SOX5: variants seen among roughly 807,000 people sequenced by gnomAD.
The protein encoded by SOX5 is transcription factor SOX-5.
In SOX5, 9 loss-of-function variants were observed where a neutral mutation model predicts 92.0. That is an observed-to-expected ratio of 0.10 (90% CI 0.06 to 0.17). The LOEUF (loss-of-function observed/expected upper bound fraction) is 0.17, where lower values mean the gene tolerates loss of function less well. Ranked by LOEUF, SOX5 falls within the 10% of genes least tolerant of loss-of-function variation. The probability of loss-of-function intolerance (pLI) is 1.00; values close to 1 mark genes in which losing one functional copy is unlikely to be tolerated. For synonymous variants in SOX5, 344 were observed against 336.3 expected (o/e 1.02, Z -0.25); for missense variants, 642 against 944.5 (o/e 0.68, Z 4.20).
At chr12:23,658,673 CT>C (rs2082631436) in intron 7 of SOX5, among the ~76,000 whole-genome samples, 1 of 152,092 alleles carries the variant, frequency 6.6e-6, no homozygotes, top group Non-Finnish European at 1.5e-5. Context: ...GGGTGGATCA[CT>C]TGAGGTAGGA....
chr12:24,281,492 T>C (rs1027629805), intron 2 of SOX5, among the ~76,000 whole-genome samples: 5 of 152,224 alleles, frequency 3.3e-5, no homozygotes, highest in Non-Finnish European at 7.3e-5. Flanking sequence ...TGGGCCGCCC[T>C]GCACTATTGA....
At chr12:23,935,864 T>C (rs1942433576) in intron 1 of SOX5, among the ~76,000 whole-genome samples, 1 of 151,064 alleles carries the variant, frequency 6.6e-6, no homozygotes, top group African/African-American at 2.4e-5. Context: ...GATTATAAAG[T>C]TATGGTAGCA....
intron 3 of SOX5, among the ~76,000 whole-genome samples, chr12:24,265,979 C>T (rs1442899051): frequency 6.6e-6 from 1 of 151,576 alleles, no homozygotes; most frequent in Non-Finnish European, 1.5e-5. Flanking sequence ...TGGCTCACTG[C>T]AGTCTTGATC....
chr12:23,641,514 T>G (rs2080055233), intron 7 of SOX5, among the ~76,000 whole-genome samples: 1 of 152,160 alleles, frequency 6.6e-6, no homozygotes, highest in Non-Finnish European at 1.5e-5. Context: ...AATAGATCCC[T>G]TCCCCCCGAC....
intron 9 of SOX5, among the ~76,000 whole-genome samples, chr12:23,580,352 C>T (rs1274817584): frequency 6.6e-6 from 1 of 151,942 alleles, no homozygotes; most frequent in Non-Finnish European, 1.5e-5. Context: ...TACACAATAA[C>T]CACATGAAAG....
At chr12:23,919,921 C>A (rs996486012) in intron 1 of SOX5, 2 of 152,054 alleles carry the variant, frequency 1.3e-5, no homozygotes, top group Non-Finnish European at 2.9e-5. Flanking sequence ...ATACAGAGTC[C>A]AAAATGGAGA....
At chr12:24,262,211 G>C (rs965282899) in intron 3 of SOX5, among the ~76,000 whole-genome samples, 3 of 152,120 alleles carry the variant, frequency 2.0e-5, no homozygotes, top group Admixed American at 1.3e-4. Flanking sequence ...CGAAATTCTC[G>C]ATGGGCATAA....
At chr12:23,617,009 T>C (rs2137948742) in intron 8 of SOX5, among the ~76,000 whole-genome samples, 1 of 151,662 alleles carries the variant, frequency 6.6e-6, no homozygotes, top group Non-Finnish European at 1.5e-5. Flanking sequence ...TGTGCAGTCC[T>C]AGTTACTTAG....
intron 6 of SOX5, among the ~76,000 whole-genome samples, chr12:23,703,668 T>G (rs2090978327): frequency 6.6e-6 from 1 of 151,690 alleles, no homozygotes; most frequent in Non-Finnish European, 1.5e-5. Context: ...ATAGACAAAA[T>G]ATTTCTTGTA....
intron 6 of SOX5, among the ~76,000 whole-genome samples, chr12:23,687,884 T>C (rs1203835657): frequency 6.6e-6 from 1 of 151,492 alleles, no homozygotes; most frequent in Non-Finnish European, 1.5e-5. Flanking sequence ...CACTTTTTTT[T>C]TTTCATTTTA....
At chr12:24,209,598 G>T (rs1222051182) in intron 4 of SOX5, among the ~76,000 whole-genome samples, 3 of 152,090 alleles carry the variant, frequency 2.0e-5, no homozygotes, top group African/African-American at 7.2e-5. Context: ...AAACTTTTTG[G>T]TAAATACTTA....
chr12:24,417,688 G>A (rs1965250673), intron 1 of SOX5, among the ~76,000 whole-genome samples: 1 of 152,216 alleles, frequency 6.6e-6, no homozygotes, highest in African/African-American at 2.4e-5. Flanking sequence ...CTTCATAGAA[G>A]TAATCATTGA....
intron 4 of SOX5, among the ~76,000 whole-genome samples, chr12:23,995,120 T>A (rs1950914781): frequency 6.6e-6 from 1 of 152,206 alleles, no homozygotes; most frequent in Non-Finnish European, 1.5e-5. Flanking sequence ...ATGAACAGAA[T>A]GTTAAAAACT....
intron 1 of SOX5, among the ~76,000 whole-genome samples, chr12:24,559,084 T>G (rs1445022389): frequency 6.6e-6 from 1 of 152,230 alleles, no homozygotes; most frequent in Non-Finnish European, 1.5e-5. Context: ...GGAACAAAAT[T>G]GGACTTTTAT....
intron 3 of SOX5, among the ~76,000 whole-genome samples, chr12:24,255,407 T>C (rs1023776421): frequency 6.6e-6 from 1 of 152,232 alleles, no homozygotes; most frequent in Non-Finnish European, 1.5e-5. Context: ...TATAGTTGCA[T>C]GGTTTACACG....
rs1938982890 is a variant in SOX5, at chr12:23,531,073, C to G, written c.*3146G>C. On this transcript the variant is annotated 3_prime_UTR_variant, in exon 15 of 15. Transcript: ENST00000451604. ...TGTAGTAACACAGTAAGTTGCTATTCATAGCACCTTTTATCAAGTGACTTC... is the reference window on the plus strand; with the variant it reads ...TGTAGTAACACAGTAAGTTGCTATTGATAGCACCTTTTATCAAGTGACTTC... 1 of 152,054 alleles carries G rather than the reference C, an allele frequency of 6.6e-6. No homozygotes were observed. The highest frequency in any genetic ancestry group is 1.5e-5 in the Non-Finnish European group (1 of 68,006). 9.4% of individuals were successfully genotyped at this position (152,054 alleles called of 1,614,324 possible). A position where few individuals can be genotyped will look rare whatever the true frequency, so the allele number is the denominator to read the frequency against.
intron 4 of SOX5, among the ~76,000 whole-genome samples, chr12:24,049,228 G>A (rs1045197942): frequency 2.0e-5 from 3 of 152,132 alleles, no homozygotes; most frequent in African/African-American, 7.2e-5. Flanking sequence ...AGTGTGTTAG[G>A]TCAAGGTAGA....
intron 2 of SOX5, among the ~76,000 whole-genome samples, chr12:23,869,296 T>A (rs2096848206): frequency 6.6e-6 from 1 of 152,188 alleles, no homozygotes; most frequent in Non-Finnish European, 1.5e-5. Flanking sequence ...GTGCAGGTTA[T>A]ATGCTACATA....
chr12:23,926,634 A>G (rs962274305), intron 1 of SOX5, among the ~76,000 whole-genome samples: 2 of 152,046 alleles, frequency 1.3e-5, no homozygotes, highest in Admixed American at 6.6e-5. Context: ...TTTTCCTGAT[A>G]GCAATTCATT....
Sources: gnomAD v4.1 joint callset for allele counts (sites outside exome capture counted in the v4.1 genomes callset) on GRCh38, gnomAD v4.1.1 for gene constraint, MANE v1.5 for transcripts, NCBI Gene and HGNC (gene_info 2026-07-23, HGNC 2026-07-21) for gene names.